MCF2L: variants seen among roughly 807,000 people sequenced by gnomAD.
MCF2L encodes MCF.2 cell line derived transforming sequence like, also known as guanine nucleotide exchange factor DBS.
Under a neutral mutation model 153.4 loss-of-function variants are expected in MCF2L, and 97 were observed. The ratio of observed to expected loss-of-function variants is 0.63; its 90% CI spans 0.54 to 0.75. The LOEUF (loss-of-function observed/expected upper bound fraction) is 0.75. Among genes scored for constraint, MCF2L ranks in the 30% least tolerant of loss-of-function variants. MCF2L has a pLI of 0.00. For synonymous variants in MCF2L, 659 were observed against 632.2 expected (o/e 1.04, Z -0.64); for missense variants, 1,347 against 1,495.2 (o/e 0.90, Z 1.64).
chr13:113,021,259 TA>T (rs1384757082), intron 2 of MCF2L, among the ~76,000 whole-genome samples: 1 of 152,194 alleles, frequency 6.6e-6, no homozygotes, highest in African/African-American at 2.4e-5. Context: ...TGTGTATATG[TA>T]CATGTATGTG....
In MCF2L at chr13:112,943,849, G is replaced by C. The variant is rs891125444; in HGVS notation, c.169+41478G>C. ...GTAGTAGGCGGGGTGAGGGGATCTC[G>C]GTGGCAGCGGGGACAGCGCGGCCCC... On this transcript the variant is annotated intron_variant, in intron 2 of 29. Coordinates refer to the MCF2L transcript ENST00000375608. The surrounding 1 kb of genome is among the most constrained non-coding windows in gnomAD (Gnocchi z 4.2). 2.0e-5 allele frequency among the ~76,000 whole-genome samples: 3 copies of C among 152,038 alleles called. No individual in the cohort carries two copies. Among genetic ancestry groups the C allele is most frequent in the African/African-American group, 7.2e-5 (3 of 41,408 alleles).
chr13:112,969,087 C>A (rs1457761188), upstream of MCF2L: 2 of 250,396 alleles, frequency 8.0e-6, no homozygotes, highest in South Asian at 1.7e-4. The surrounding 1 kb of genome is among the most constrained non-coding windows in gnomAD (Gnocchi z 4.8). Context: ...GTGACCCCGG[C>A]GGTGCACTCA....
At chr13:113,025,238 C>T (rs111852766) in intron 3 of MCF2L, among the ~76,000 whole-genome samples, 131 of 74,300 alleles carry the variant, frequency 1.8e-3, no homozygotes, top group East Asian at 2.5e-3. Flanking sequence ...GGGCAGAGTC[C>T]CTGTGAGATT....
intron 1 of MCF2L, among the ~76,000 whole-genome samples, chr13:112,990,322 A>G (rs950669358): frequency 2.0e-5 from 3 of 152,232 alleles, no homozygotes; most frequent in African/African-American, 7.2e-5. Flanking sequence ...CAAACCCTGC[A>G]GTGTCAGGTA....
rs1347044482 is a variant in MCF2L, at chr13:113,075,147, G to A, written c.1266G>A (p.Gly422=). 6.2e-7 allele frequency: 1 copy of A among 1,611,992 alleles called. No individual in the cohort carries two copies. Among genetic ancestry groups the A allele is most frequent in the Non-Finnish European group, 8.5e-7 (1 of 1,179,292 alleles). ...CTGCGGAGATCGCAAGGAGGAGGGG[G>A]CTGCTCAGCAAGTCCCTGGAGCTGC... is the stretch of plus-strand genomic sequence containing the variant. ...QFSAEIARRR[G]LLSKSLELHR... is the part of the protein sequence containing the mutation. The change falls in exon 11 of 30, where the codon GGG becomes GGA. Residue 422 remains glycine, a synonymous_variant. Coordinates refer to ENST00000535094, the MANE Select transcript of MCF2L (RefSeq NM_001112732.3).
At position 113,012,702 on chromosome 13, in the gene MCF2L, G is replaced by A. The variant is rs573957579; in HGVS notation, c.80-2061G>A. Among the ~76,000 whole-genome samples the A allele has an allele frequency of 4.4e-4, 51 of 116,090 alleles. 1 individual carries two copies. Among genetic ancestry groups the A allele is most frequent in the African/African-American group, 1.6e-3 (51 of 32,766 alleles). 76.2% of individuals were successfully genotyped at this position (116,090 alleles called of 152,430 possible). A position where few individuals can be genotyped will look rare whatever the true frequency, so the allele number is the denominator to read the frequency against. ...CGGTGGACACTGCAGTGTGGATGGT[G>A]GACAGGTGGTGTGGACGGTGGACAG... On this transcript the variant is annotated intron_variant, in intron 1 of 29. Transcript: ENST00000535094.
At chr13:113,058,518 G>A (rs1378336904) in intron 4 of MCF2L, among the ~76,000 whole-genome samples, 2 of 150,442 alleles carry the variant, frequency 1.3e-5, no homozygotes, top group Non-Finnish European at 3.0e-5. Context: ...CTGAGTGTTT[G>A]GATGCTGAGT....
At position 113,002,141 on chromosome 13, in the gene MCF2L, G is replaced by T. The variant is rs542509775; in HGVS notation, c.80-12622G>T. On this transcript the variant is annotated intron_variant, in intron 1 of 29. Coordinates refer to ENST00000535094, the MANE Select transcript of MCF2L (RefSeq NM_001112732.3). ...TGGGGGATGCCGGGGATGGATGTTG[G>T]GGTGGGTGCCTCCGAGACCAGAGGA... Among the ~76,000 whole-genome samples, 60 of 152,350 alleles carry T rather than the reference G, an allele frequency of 3.9e-4. 1 individual carries two copies. In the South Asian group the frequency reaches 0.012, roughly 32 times the overall value.
At position 113,024,755 on chromosome 13, in the gene MCF2L, C is replaced by T; in HGVS notation, c.275C>T (p.Pro92Leu). The part of the protein sequence containing the change: ...QNVMTYLTSI[P>L]SLQDAGIGFI... The stretch of plus-strand genomic sequence containing the variant: ...GTCATGACCTACCTCACCAGCATCC[C>T]CAGGTACGTGCACCCAGAGCCCGGC... The change falls in exon 3 of 30, where the codon CCC becomes CTC. Residue 92 changes from proline to leucine, a missense_variant. Pro to Leu is a moderately conservative substitution (Grantham distance 98). Transcript: ENST00000535094. The T allele has an allele frequency of 1.2e-6, 2 of 1,612,376 alleles. No individual in the cohort carries two copies. The highest frequency in any genetic ancestry group is 1.7e-6 in the Non-Finnish European group (2 of 1,178,360).
intron 1 of MCF2L, among the ~76,000 whole-genome samples, chr13:112,901,675 A>G (rs2081120905): frequency 6.6e-6 from 1 of 152,220 alleles, no homozygotes. Flanking sequence ...TCTTCCCAAA[A>G]ACTTCGTGTA....
intron 3 of MCF2L, among the ~76,000 whole-genome samples, chr13:113,033,632 T>C (rs976057922): frequency 2.7e-5 from 4 of 147,594 alleles, no homozygotes; most frequent in East Asian, 3.9e-4. Context: ...GCTGGGTGAT[T>C]TCCCCCCCCC....
rs184386446 is a variant in MCF2L at position 112,993,220 on chromosome 13, G to A, written c.80-21543G>A. ...CTGGTGATGGAGACACGATGGCACA[G>A]CCCCGGTGAAGCCACGTGATGTCTT... On this transcript the variant is annotated intron_variant, in intron 1 of 29. Coordinates refer to ENST00000535094, the MANE Select transcript of MCF2L (RefSeq NM_001112732.3). This position sits in a 1 kb window ranked among gnomAD's most constrained non-coding sequence, Gnocchi z 4.6. Among the ~76,000 whole-genome samples the A allele has an allele frequency of 6.6e-6, 1 of 152,358 alleles. No homozygotes were observed. Among genetic ancestry groups the A allele is most frequent in the East Asian group, 1.9e-4 (1 of 5,188 alleles).
chr13:112,968,572 C>G (rs1327339929), upstream of MCF2L: 7 of 1,542,108 alleles, frequency 4.5e-6, no homozygotes, highest in African/African-American at 2.7e-5. Flanking sequence ...CATCCCCGGC[C>G]AGCCACGGAC....
In MCF2L at chr13:113,070,119, G is replaced by A; in HGVS notation, c.942G>A (p.Gln314=). The stretch of plus-strand genomic sequence containing the variant: ...TCGATGAGTTCTGGGCAAAGCATCA[G>A]CAGAAACTGGAGCAGTGTCTGCAGC... ...AAFDEFWAKH[Q]QKLEQCLQLR... The change falls in exon 9 of 30, where the codon CAG becomes CAA. Residue 314 remains glutamine (Q), a synonymous_variant. Transcript: ENST00000535094. The surrounding 1 kb of genome is among the most constrained non-coding windows in gnomAD (Gnocchi z 5.6). 1 of 1,609,774 alleles carries A rather than the reference G, an allele frequency of 6.2e-7. No homozygotes were observed. The highest frequency in any genetic ancestry group is 1.1e-5 in the South Asian group (1 of 90,512).
In MCF2L at chr13:113,074,512, G is replaced by C. The variant is rs769937358; in HGVS notation, c.1065G>C (p.Ala355=). Residue 355 remains alanine, a synonymous_variant, in exon 10 of 30, where the codon GCG becomes GCC. Transcript: ENST00000535094. This position sits in a 1 kb window ranked among gnomAD's most constrained non-coding sequence, Gnocchi z 4.2. ...ATFTDIGNSL[A]HVEHLLRDLA... ...TCACAGACATCGGCAACAGCCTGGC[G>C]CATGTGGAGCACCTGCTGAGGGACC... 7 of 1,613,972 alleles carry C rather than the reference G, an allele frequency of 4.3e-6. No individual in the cohort carries two copies. Among genetic ancestry groups the C allele is most frequent in the African/African-American group, 1.3e-5 (1 of 74,948 alleles).
rs150496008 is a variant in MCF2L at position 113,048,903 on chromosome 13, C to T, written c.369+3542C>T. Among the ~76,000 whole-genome samples, 613 of 152,276 alleles carry T rather than the reference C, an allele frequency of 4.0e-3. 2 individuals are homozygous for T. Among genetic ancestry groups the T allele is most frequent in the African/African-American group, 0.014 (590 of 41,558 alleles). Reference sequence around the variant, plus strand: ...AGGGGCATCACAATGGGGTCACAGGCAGGGGCAGCAGGGAGCAGCCAGGAG... The same window carrying T: ...AGGGGCATCACAATGGGGTCACAGGTAGGGGCAGCAGGGAGCAGCCAGGAG... On this transcript the variant is annotated intron_variant, in intron 4 of 29. Transcript: ENST00000535094.
chr13:113,050,871 C>T (rs1156881722), intron 4 of MCF2L, among the ~76,000 whole-genome samples: 1 of 151,698 alleles, frequency 6.6e-6, no homozygotes, highest in Non-Finnish European at 1.5e-5. Context: ...GAGGAGTTGT[C>T]CAGATGGAGG....
At chr13:112,918,949 C>T (rs67547188) in intron 2 of MCF2L, among the ~76,000 whole-genome samples, 28,190 of 152,030 alleles carry the variant, frequency 0.19, 2,727 homozygotes, top group Admixed American at 0.29. Flanking sequence ...CCTGCGCTTC[C>T]CCGACGCGCG....
chr13:113,075,931 G>A, intron 11 of MCF2L, 35 bp from the exon 12 acceptor site: 4 of 1,541,372 alleles, frequency 2.6e-6, no homozygotes, highest in Non-Finnish European at 3.5e-6. Context: ...ACCCTCTCAC[G>A]GCGTCCTGCC....
Sources: gnomAD v4.1 joint callset for allele counts (sites outside exome capture counted in the v4.1 genomes callset) on GRCh38, gnomAD v4.1.1 for gene constraint, Gnocchi (gnomAD v3.1) non-coding constraint, MANE v1.5 for transcripts, NCBI Gene and HGNC (gene_info 2026-07-23, HGNC 2026-07-21) for gene names.